CFAP263: variants seen among roughly 807,000 people sequenced by gnomAD.
CFAP263 encodes cilia- and flagella-associated protein 263.
At chr16:58,263,101 G>A in the CFAP263 span, among the ~76,000 whole-genome samples, 2 of 152,302 alleles carry the variant, frequency 1.3e-5, no homozygotes, top group East Asian at 1.9e-4. Context: ...TAATTAAGCA[G>A]AGACTATAGG....
the CFAP263 span, among the ~76,000 whole-genome samples, chr16:58,265,833 T>C: frequency 6.6e-6 from 1 of 152,188 alleles, no homozygotes; most frequent in African/African-American, 2.4e-5. Flanking sequence ...TCATCAGCCT[T>C]CGTGGATACC....
chr16:58,253,389 TA>T, the CFAP263 span, among the ~76,000 whole-genome samples: 78 of 141,746 alleles, frequency 5.5e-4, no homozygotes, highest in Non-Finnish European at 5.3e-4. Context: ...TCAAAAAAAT[TA>T]AAAAAAAAAA....
chr16:58,270,367 C>T, the CFAP263 span, among the ~76,000 whole-genome samples: 1 of 151,852 alleles, frequency 6.6e-6, no homozygotes, highest in African/African-American at 2.4e-5. Flanking sequence ...GTTGAATGTC[C>T]CATGTAATTT....
chr16:58,264,635 C>A, the CFAP263 span, among the ~76,000 whole-genome samples: 1 of 152,088 alleles, frequency 6.6e-6, no homozygotes, highest in Admixed American at 6.5e-5. Context: ...GTAAGTGTTG[C>A]GTCCCCAGCA....
chr16:58,281,461 G>A, the CFAP263 span: 1 of 152,516 alleles, frequency 6.6e-6, no homozygotes, highest in Admixed American at 6.5e-5. Context: ...TCGCTATAAA[G>A]GCCAGCATTT....
chr16:58,276,011 A>C, the CFAP263 span, among the ~76,000 whole-genome samples: 1 of 152,248 alleles, frequency 6.6e-6, no homozygotes, highest in African/African-American at 2.4e-5. Flanking sequence ...AGCAAAAATG[A>C]TCATAAGCAA....
the CFAP263 span, chr16:58,278,425 T>A: frequency 1.3e-6 from 2 of 1,547,362 alleles, 1 homozygote; most frequent in Admixed American, 3.5e-5. Context: ...GGCCAGTGAG[T>A]TCTCAAAGCA....
chr16:58,254,605 ATTTC>A, the CFAP263 span, among the ~76,000 whole-genome samples: 2 of 147,962 alleles, frequency 1.4e-5, no homozygotes, highest in African/African-American at 2.4e-5. Flanking sequence ...TTTTACAGTA[ATTTC>A]TTTTTTTTTT....
chr16:58,254,908 A>G, the CFAP263 span, among the ~76,000 whole-genome samples: 2 of 152,114 alleles, frequency 1.3e-5, no homozygotes, highest in African/African-American at 4.8e-5. Context: ...CCGGGCCTAC[A>G]ATAATTTCTT....
At chr16:58,275,091 A>G in the CFAP263 span, among the ~76,000 whole-genome samples, 1 of 152,246 alleles carries the variant, frequency 6.6e-6, no homozygotes, top group Non-Finnish European at 1.5e-5. Context: ...TAGGCTAAAC[A>G]GACAGGAGGT....
chr16:58,253,597 ATGTT>A, the CFAP263 span, among the ~76,000 whole-genome samples: 2 of 151,910 alleles, frequency 1.3e-5, no homozygotes, highest in Non-Finnish European at 2.9e-5. Context: ...AAAGTCCAAG[ATGTT>A]TGTTTGTCTG....
chr16:58,279,889 C>T, the CFAP263 span: 1 of 862,554 alleles, frequency 1.2e-6, no homozygotes, highest in Non-Finnish European at 1.8e-6. Flanking sequence ...TTCCCAACCC[C>T]CCACCCAGGC....
At chr16:58,253,724 C>G in the CFAP263 span, among the ~76,000 whole-genome samples, 1 of 152,246 alleles carries the variant, frequency 6.6e-6, no homozygotes, top group Non-Finnish European at 1.5e-5. Context: ...AGCAGGTTCA[C>G]AGCCTTTCCA....
At chr16:58,268,517 G>A in the CFAP263 span, among the ~76,000 whole-genome samples, 8 of 152,242 alleles carry the variant, frequency 5.3e-5, no homozygotes, top group African/African-American at 1.9e-4. Context: ...ATGATGCTTT[G>A]TCAAACTCTA....
chr16:58,258,635 A>AC, the CFAP263 span: 2 of 945,816 alleles, frequency 2.1e-6, no homozygotes, highest in Non-Finnish European at 3.2e-6. Context: ...AATGTTGCCC[A>AC]CATATGCGGA....
At chr16:58,263,666 G>T in the CFAP263 span, among the ~76,000 whole-genome samples, 1 of 152,146 alleles carries the variant, frequency 6.6e-6, no homozygotes, top group Non-Finnish European at 1.5e-5. Flanking sequence ...TTTTACAAAT[G>T]AAAAAACCGG....
At chr16:58,268,693 C>G in the CFAP263 span, among the ~76,000 whole-genome samples, 1 of 152,134 alleles carries the variant, frequency 6.6e-6, no homozygotes, top group Non-Finnish European at 1.5e-5. Flanking sequence ...AATTTCAGTA[C>G]AGAGTGGCAA....
the CFAP263 span, chr16:58,252,934 C>G: frequency 7.0e-7 from 1 of 1,436,712 alleles, no homozygotes. Flanking sequence ...GCCTTTGGTG[C>G]GCCCTCTGTG....
chr16:58,261,736 C>G, the CFAP263 span, among the ~76,000 whole-genome samples: 22 of 152,254 alleles, frequency 1.4e-4, no homozygotes, highest in Admixed American at 1.2e-3. Context: ...GCACAGACAG[C>G]ATGAGTGAGG....
Sources: gnomAD v4.1 joint callset for allele counts (sites outside exome capture counted in the v4.1 genomes callset) on GRCh38, gnomAD v4.1.1 for gene constraint, MANE v1.5 for transcripts, NCBI Gene and HGNC (gene_info 2026-07-23, HGNC 2026-07-21) for gene names.